SI: variants seen among roughly 807,000 people sequenced by gnomAD.
SI encodes sucrase-isomaltase, intestinal.
SI carries 235 observed loss-of-function variants against 253.3 expected under a neutral mutation model. That is an observed-to-expected ratio of 0.93 (90% CI 0.83 to 1.03). SI has a LOEUF of 1.03. SI is among the 50% of genes least tolerant of loss of function. The pLI is 0.00. For synonymous variants in SI, 819 were observed against 712.0 expected (o/e 1.15, Z -2.39); for missense variants, 2,442 against 2,211.1 (o/e 1.10, Z -2.09).
At chr3:164,982,657 G>A (rs1717247859) in intron 46 of SI, among the ~76,000 whole-genome samples, 1 of 151,992 alleles carries the variant, frequency 6.6e-6, no homozygotes, top group Admixed American at 6.6e-5. Context: ...TTTGGATTCA[G>A]TCACCAAATA....
At chr3:165,005,276 T>C (rs1020809181) in intron 37 of SI, among the ~76,000 whole-genome samples, 4 of 152,130 alleles carry the variant, frequency 2.6e-5, no homozygotes, top group South Asian at 2.1e-4. Flanking sequence ...ATGAATAATA[T>C]ATACTATTTG....
chr3:165,015,129 C>T lies in SI; in HGVS notation c.3993G>A (p.Trp1331Ter). 2.5e-6 allele frequency: 4 copies of T among 1,607,810 alleles called. No homozygotes were observed. The South Asian group carries it at 4.4e-5, about 18-fold the overall frequency. The change falls in exon 33 of 48, where the codon TGG becomes TGA. Residue 1331 changes from tryptophan (W) to a stop codon, truncating the protein, a stop_gained. Transcript: ENST00000264382. LOFTEE classifies it high-confidence loss of function. The stretch of plus-strand genomic sequence containing the variant: ...CAAGATATCGATTTAGTACCTTTGC[C>T]CAACAAATGTCATTGGTGTTTGGCC... ...VKWPNTNDIC[W>*]AKVWPDLPNI...
At position 165,006,818 on chromosome 3, in the gene SI, A is replaced by G. The variant is rs201768364; in HGVS notation, c.4404T>C (p.His1468=). ...LYGWSQMKPT[H]DALQKTTGKR... ...GGATAATTCAGAACATTGCTTACTC[A>G]TGAGTAGGTTTCATCTGTGACCATC... The change falls in exon 37 of 48, where the codon CAT becomes CAC. Residue 1468 remains histidine, a splice_region_variant and synonymous_variant. Coordinates refer to ENST00000264382, the MANE Select transcript of SI (RefSeq NM_001041.4). The G allele has an allele frequency of 5.0e-6, 8 of 1,612,200 alleles. No homozygotes were observed. The highest frequency in any genetic ancestry group is 5.9e-6 in the Non-Finnish European group (7 of 1,178,570).
chr3:165,011,821 G>T (rs1424838716), intron 34 of SI, among the ~76,000 whole-genome samples: 4 of 149,870 alleles, frequency 2.7e-5, no homozygotes, highest in Middle Eastern at 3.6e-3. Flanking sequence ...TATTGAAAGT[G>T]TGGCAACAAA....
chr3:164,986,709 G>A (rs1326207894), intron 45 of SI, among the ~76,000 whole-genome samples: 1 of 152,134 alleles, frequency 6.6e-6, no homozygotes, highest in African/African-American at 2.4e-5. Context: ...GGTGTTGGCT[G>A]TGACCCTTAT....
rs374104171 is a variant in SI, at chr3:165,068,752, T to C, written c.453A>G (p.Gln151=). 42 of 1,613,728 alleles carry C rather than the reference T, an allele frequency of 2.6e-5. No homozygotes were observed. Among genetic ancestry groups the C allele is most frequent in the South Asian group, 1.2e-4 (11 of 91,088 alleles). ...ACCGGAAACGATTGGGTGTCTGATT[T>C]TGAGTTGTGAAGAGAACACTGTTGA... ...NDINSVLFTT[Q]NQTPNRFRFK... is the part of the protein sequence containing the mutation. Residue 151 remains glutamine (Q), a synonymous_variant, in exon 5 of 48, where the codon CAA becomes CAG. Coordinates refer to ENST00000264382, the MANE Select transcript of SI (RefSeq NM_001041.4).
At chr3:165,036,202 C>A (rs896488334) in intron 22 of SI, among the ~76,000 whole-genome samples, 187 bp downstream of exon 22, 4 of 151,684 alleles carry the variant, frequency 2.6e-5, no homozygotes, top group Non-Finnish European at 5.9e-5. Context: ...ATTTTAGTTA[C>A]ATATAGATAA....
At position 165,069,185 on chromosome 3, in the gene SI, G is replaced by A; in HGVS notation, c.266C>T (p.Ala89Val). 1.9e-6 allele frequency: 3 copies of A among 1,605,654 alleles called. No individual in the cohort carries two copies. The highest frequency in any genetic ancestry group is 2.6e-6 in the Non-Finnish European group (3 of 1,172,584). ...PEQFPTEGIC[A>V]QRGCCWRPWN... The stretch of plus-strand genomic sequence containing the variant: ...CGGCCTCCAGCAGCAGCCTCTCTGT[G>A]CACAAATTCCCTGATAAAATATTTT... The change falls in exon 4 of 48, where the codon GCA (alanine) becomes GTA (valine). Residue 89 changes from alanine to valine, a missense_variant. By Grantham distance (64) the Ala-to-Val change is moderately conservative (BLOSUM62 0). Coordinates refer to ENST00000264382, the MANE Select transcript of SI (RefSeq NM_001041.4).
intron 13 of SI, among the ~76,000 whole-genome samples, chr3:165,053,997 A>C (rs1272236336): frequency 6.6e-6 from 1 of 152,026 alleles, no homozygotes; most frequent in Non-Finnish European, 1.5e-5. Context: ...TACTGTCATC[A>C]TAGGAATCCT....
Position 164,994,297 on chromosome 3 carries a change from G to A in SI, c.4801C>T (p.His1601Tyr), listed in dbSNP as rs1717911636. The change falls in exon 41 of 48, where the codon CAT becomes TAT. Residue 1601 changes from histidine (H) to tyrosine (Y), a missense_variant. By Grantham distance (83) the His-to-Tyr change is moderately conservative. Coordinates refer to ENST00000264382, the MANE Select transcript of SI (RefSeq NM_001041.4). ...PYFYTQMHEI[H>Y]ANGGTVIRPL... Reference sequence around the variant, plus strand: ...CGGATAACAGTGCCACCATTAGCATGAATTTCATGCATTTGTGTGTAAAAA... The same window carrying A: ...CGGATAACAGTGCCACCATTAGCATAAATTTCATGCATTTGTGTGTAAAAA... 1.2e-6 allele frequency: 2 copies of A among 1,611,176 alleles called. No homozygotes were observed. The highest frequency in any genetic ancestry group is 1.7e-6 in the Non-Finnish European group (2 of 1,178,046).
intron 12 of SI, 96 bp downstream of exon 12, chr3:165,058,859 TACACACAC>T (rs138742044): frequency 1.1e-5 from 7 of 639,336 alleles, no homozygotes; most frequent in Non-Finnish European, 1.1e-5. Context: ...AAAGCAGACA[TACACACAC>T]ACACACACAC....
At chr3:164,997,514 A>T (rs180930652) in intron 38 of SI, among the ~76,000 whole-genome samples, 1 of 151,560 alleles carries the variant, frequency 6.6e-6, no homozygotes, top group Non-Finnish European at 1.5e-5. Flanking sequence ...TCAGTTTCAG[A>T]AGTACATTTG....
At chr3:164,997,022 C>A (rs536270042) in intron 38 of SI, among the ~76,000 whole-genome samples, 1 of 151,772 alleles carries the variant, frequency 6.6e-6, no homozygotes, top group Non-Finnish European at 1.5e-5. Flanking sequence ...GTGACATATT[C>A]AGACAACAAA....
intron 12 of SI, among the ~76,000 whole-genome samples, chr3:165,056,384 C>T (rs138950241): frequency 2.6e-5 from 4 of 152,054 alleles, no homozygotes; most frequent in South Asian, 2.1e-4. Flanking sequence ...ACCATCCCCC[C>T]CTGCAGAAGC....
chr3:165,017,442 C>A, intron 31 of SI, 106 bp downstream of exon 31: 1 of 1,095,990 alleles, frequency 9.1e-7, no homozygotes, highest in South Asian at 1.4e-5. Context: ...GTAAAAAAAG[C>A]TAAGCATTAT....
chr3:164,988,277 T>C (rs1717539472), intron 44 of SI, among the ~76,000 whole-genome samples: 1 of 152,202 alleles, frequency 6.6e-6, no homozygotes, highest in South Asian at 2.1e-4. Flanking sequence ...TAATTAGATA[T>C]TTTCCAGTGA....
chr3:164,999,044 C>T (rs1718146016), intron 37 of SI, among the ~76,000 whole-genome samples: 1 of 151,678 alleles, frequency 6.6e-6, no homozygotes, highest in Non-Finnish European at 1.5e-5. Flanking sequence ...ATTCATTGCC[C>T]CAACGCCTCT....
At chr3:165,031,378 G>A (rs1712234265) in intron 24 of SI, among the ~76,000 whole-genome samples, 1 of 147,462 alleles carries the variant, frequency 6.8e-6, no homozygotes, top group Non-Finnish European at 1.5e-5. Context: ...ATATTTATAA[G>A]CATAAAAGTG....
chr3:165,029,595 T>TATATACATATATATGTATAC (rs1712122587), intron 25 of SI, among the ~76,000 whole-genome samples: 1 of 145,516 alleles, frequency 6.9e-6, no homozygotes, highest in African/African-American at 2.5e-5. Context: ...TATATGTATA[T>TATATACATATATATGTATAC]ATATACATAT....
Sources: gnomAD v4.1 joint callset for allele counts (sites outside exome capture counted in the v4.1 genomes callset) on GRCh38, gnomAD v4.1.1 for gene constraint, MANE v1.5 for transcripts, NCBI Gene and HGNC (gene_info 2026-07-23, HGNC 2026-07-21) for gene names.